The following DLG2 variants were observed in gnomAD, a reference collection of about 807,000 sequenced individuals.
The protein encoded by DLG2 is disks large homolog 2.
In DLG2, 45 loss-of-function variants were observed where a neutral mutation model predicts 132.5. That is an observed-to-expected ratio of 0.34 (90% CI 0.27 to 0.44). The LOEUF (loss-of-function observed/expected upper bound fraction) is 0.44, where lower values mean the gene tolerates loss of function less well. Ranked by LOEUF, DLG2 falls within the 20% of genes least tolerant of loss-of-function variation. The probability of loss-of-function intolerance (pLI) is 1.00; values close to 1 mark genes in which losing one functional copy is unlikely to be tolerated. For missense variants in DLG2, 1,045 were observed against 1,196.9 expected (o/e 0.87, Z 1.87); for synonymous variants, 424 against 419.6 (o/e 1.01, Z -0.13).
intron 6 of DLG2, among the ~76,000 whole-genome samples, chr11:84,704,261 A>T (rs1169626573): frequency 6.6e-6 from 1 of 151,484 alleles, no homozygotes; most frequent in Non-Finnish European, 1.5e-5. Context: ...ACAGATGCTG[A>T]TTCTTAAATT....
chr11:83,691,077 C>T (rs1206108348), intron 18 of DLG2, among the ~76,000 whole-genome samples: 1 of 152,134 alleles, frequency 6.6e-6, no homozygotes. Context: ...GTGCACGTTG[C>T]AGCTTGCATG....
chr11:85,288,284 C>T (rs973824434), intron 3 of DLG2, among the ~76,000 whole-genome samples: 3 of 151,892 alleles, frequency 2.0e-5, no homozygotes, highest in African/African-American at 7.3e-5. Flanking sequence ...CAACTTTATT[C>T]TCCACTAGCA....
intron 16 of DLG2, among the ~76,000 whole-genome samples, chr11:83,871,248 A>G (rs529372723): frequency 3.3e-5 from 5 of 152,206 alleles, no homozygotes; most frequent in Non-Finnish European, 7.3e-5. Context: ...TAGGGATATT[A>G]TTCTTCCTCA....
chr11:85,250,261 C>A (rs1251537032), intron 4 of DLG2, among the ~76,000 whole-genome samples: 2 of 152,122 alleles, frequency 1.3e-5, no homozygotes, highest in African/African-American at 4.8e-5. Flanking sequence ...CTAAGGTGTA[C>A]CAAATAATTA....
At chr11:84,421,739 C>A (rs570654245) in intron 7 of DLG2, among the ~76,000 whole-genome samples, 1 of 152,310 alleles carries the variant, frequency 6.6e-6, no homozygotes, top group Admixed American at 6.5e-5. Flanking sequence ...AGCAAAGTCA[C>A]ATCTTCCCAT....
chr11:85,549,408 C>T (rs916869862), intron 3 of DLG2, among the ~76,000 whole-genome samples: 1 of 152,172 alleles, frequency 6.6e-6, no homozygotes, highest in Admixed American at 6.5e-5. Context: ...AGCTGCAGAC[C>T]GGAGCTGTTC....
chr11:85,176,349 A>G (rs1314754754), intron 4 of DLG2, among the ~76,000 whole-genome samples: 2 of 152,196 alleles, frequency 1.3e-5, no homozygotes, highest in African/African-American at 4.8e-5. Context: ...ACCTGATAAA[A>G]ACAAGCAATG....
At chr11:84,274,956 G>T (rs1427475174) in intron 7 of DLG2, among the ~76,000 whole-genome samples, 1 of 152,022 alleles carries the variant, frequency 6.6e-6, no homozygotes, top group South Asian at 2.1e-4. Flanking sequence ...ATGCATTGTC[G>T]ACCAGCCAGC....
chr11:85,184,768 A>G (rs1049196592), intron 4 of DLG2, among the ~76,000 whole-genome samples: 4 of 151,922 alleles, frequency 2.6e-5, no homozygotes, highest in Admixed American at 2.0e-4. Context: ...CTTCTGTAAT[A>G]TGAACTTCTT....
intron 22 of DLG2, 86 bp from the exon 23 acceptor site, chr11:83,472,863 C>T: frequency 1.8e-6 from 2 of 1,129,220 alleles, no homozygotes; most frequent in Non-Finnish European, 1.3e-6. Flanking sequence ...AGGAAACAGA[C>T]ACAGCTCAGA....
chr11:84,778,121 G>C (rs2071032150), intron 6 of DLG2, among the ~76,000 whole-genome samples: 1 of 152,076 alleles, frequency 6.6e-6, no homozygotes, highest in African/African-American at 2.4e-5. Context: ...ATCTTGAGTT[G>C]ATTTTGGTAT....
In DLG2 at chr11:83,784,927, T is replaced by A. The variant is rs547016592; in HGVS notation, c.1825+1763A>T. 3.9e-5 allele frequency among the ~76,000 whole-genome samples: 6 copies of A among 152,286 alleles called. No homozygotes were observed. The South Asian group carries it at 1.2e-3, about 32-fold the overall frequency. ...CAGGCGATGGTGAAGGACATACAGTTTGAGACTGAAAAAAACAGCTATTAA... is the reference window on the plus strand; with the variant it reads ...CAGGCGATGGTGAAGGACATACAGTATGAGACTGAAAAAAACAGCTATTAA... On this transcript the variant is annotated intron_variant, in intron 18 of 27. Coordinates refer to ENST00000376104, the MANE Select transcript of DLG2 (RefSeq NM_001142699.3).
chr11:85,354,541 A>G (rs539907005), intron 3 of DLG2, among the ~76,000 whole-genome samples: 35 of 151,996 alleles, frequency 2.3e-4, no homozygotes, highest in Non-Finnish European at 4.9e-4. Context: ...CTCATGAAGG[A>G]GCCAATACAT....
intron 24 of DLG2, 25 bp downstream of exon 24, chr11:83,471,601 T>G: frequency 6.4e-7 from 1 of 1,559,452 alleles, no homozygotes; most frequent in South Asian, 1.1e-5. Flanking sequence ...TTGTTTTTCC[T>G]AGAGGAAAGA....
intron 6 of DLG2, among the ~76,000 whole-genome samples, chr11:84,864,361 C>A (rs1411142322): frequency 6.6e-6 from 1 of 152,162 alleles, no homozygotes; most frequent in Non-Finnish European, 1.5e-5. Context: ...TGAGGACATG[C>A]AGAACCTATA....
In DLG2 at chr11:84,780,710, G is replaced by A. The variant is rs1254771901; in HGVS notation, c.358-245979C>T. Among the ~76,000 whole-genome samples, 5 of 151,900 alleles carry A rather than the reference G, an allele frequency of 3.3e-5. No homozygotes were observed. In the East Asian group the frequency reaches 9.6e-4, roughly 29 times the overall value. ...TGTGGTTATAATTTTCTCTTACATT[G>A]AATTGAAAACATTTTTAAAATTCAG... is the stretch of plus-strand genomic sequence containing the variant. On this transcript the variant is annotated intron_variant, in intron 6 of 27. Coordinates refer to ENST00000376104, the MANE Select transcript of DLG2 (RefSeq NM_001142699.3).
intron 25 of DLG2, among the ~76,000 whole-genome samples, chr11:83,468,537 C>T (rs1021636582): frequency 6.6e-5 from 10 of 152,228 alleles, no homozygotes; most frequent in Middle Eastern, 6.8e-3. Context: ...AATTCTTTAG[C>T]GGTACATTGA....
At chr11:85,507,551 T>C (rs1034967109) in intron 3 of DLG2, among the ~76,000 whole-genome samples, 2 of 152,236 alleles carry the variant, frequency 1.3e-5, no homozygotes, top group Non-Finnish European at 2.9e-5. Context: ...CACTTTCTTA[T>C]GGCTTGCAGA....
At chr11:84,362,456 A>G (rs887897046) in intron 7 of DLG2, among the ~76,000 whole-genome samples, 3 of 151,974 alleles carry the variant, frequency 2.0e-5, no homozygotes, top group Admixed American at 1.3e-4. Context: ...TGGGGAATTT[A>G]TCTACCTCAC....
Sources: gnomAD v4.1 joint callset for allele counts (sites outside exome capture counted in the v4.1 genomes callset) on GRCh38, gnomAD v4.1.1 for gene constraint, MANE v1.5 for transcripts, NCBI Gene and HGNC (gene_info 2026-07-23, HGNC 2026-07-21) for gene names.